COLGALT2: variants seen among roughly 807,000 people sequenced by gnomAD.
The protein encoded by COLGALT2 is collagen beta(1-O)galactosyltransferase 2, also known as procollagen galactosyltransferase 2.
In COLGALT2, 49 loss-of-function variants were observed where a neutral mutation model predicts 73.4. The ratio of observed to expected loss-of-function variants is 0.67; its 90% CI spans 0.53 to 0.85. The LOEUF is 0.85. Among genes scored for constraint, COLGALT2 ranks in the 40% least tolerant of loss-of-function variants. The pLI is 0.00. For synonymous variants in COLGALT2, 295 were observed against 307.6 expected, an observed-to-expected ratio of 0.96 and a Z score of 0.43; for missense variants, 722 against 790.2, an observed-to-expected ratio of 0.91 and a Z score of 1.03.
chr1:183,969,149 T>C lies in COLGALT2; in HGVS notation c.832+120A>G, dbSNP rs543409032. 4 of 799,192 alleles carry C rather than the reference T, an allele frequency of 5.0e-6. No homozygotes were observed. In the East Asian group the frequency reaches 8.8e-5, roughly 18 times the overall value. 49.5% of individuals were successfully genotyped at this position (799,192 alleles called of 1,614,324 possible). ...TGCTGGTATGGTTATTGCAGACAAT[T>C]TACTGCCTCTCACTACCAGACATAT... On this transcript the variant is annotated intron_variant, in intron 5 of 11. Coordinates refer to ENST00000361927, the MANE Select transcript of COLGALT2 (RefSeq NM_015101.4).
chr1:183,948,995 A>G (rs1670321583), intron 8 of COLGALT2, among the ~76,000 whole-genome samples: 1 of 152,236 alleles, frequency 6.6e-6, no homozygotes, highest in East Asian at 1.9e-4. Context: ...TAGCATCAAA[A>G]GAGTAAAATA....
chr1:184,027,676 G>A (rs1215344382), intron 1 of COLGALT2, among the ~76,000 whole-genome samples: 1 of 152,208 alleles, frequency 6.6e-6, no homozygotes, highest in Non-Finnish European at 1.5e-5. Flanking sequence ...TAGACAATCA[G>A]TGATGGTGGA....
At chr1:183,952,852 TA>T (rs1347242180) in intron 7 of COLGALT2, among the ~76,000 whole-genome samples, 8 of 152,250 alleles carry the variant, frequency 5.3e-5, no homozygotes, top group African/African-American at 1.9e-4. Flanking sequence ...TGGGACTTTA[TA>T]ACTTAATGGG....
Position 183,940,625 on chromosome 1 carries a change from C to T in COLGALT2, c.1560G>A (p.Leu520=). The T allele has an allele frequency of 6.2e-7, 1 of 1,614,240 alleles. No individual in the cohort carries two copies. ...TGACTGGCAGAAACTCATCCACTGG[C>T]AGCATCTTCCCAAAAGGATTGGCTC... ...LVGANPFGKM[L]PVDEFLPVMY... is the part of the protein sequence containing the mutation. The change falls in exon 11 of 12, where the codon CTG becomes CTA. Residue 520 remains leucine, a synonymous_variant. Coordinates refer to ENST00000361927, the MANE Select transcript of COLGALT2 (RefSeq NM_015101.4).
chr1:184,018,962 T>C (rs1368958007), intron 1 of COLGALT2, among the ~76,000 whole-genome samples: 1 of 152,234 alleles, frequency 6.6e-6, no homozygotes, highest in Non-Finnish European at 1.5e-5. Flanking sequence ...AGATTATAAT[T>C]CGTGTTTTAT....
Position 183,944,196 on chromosome 1 carries a change from A to G in COLGALT2, c.1397T>C (p.Ile466Thr), listed in dbSNP as rs1468098348. ...CTCGTAAGATCATCTTGTCACTCAC[A>G]TCAGTTCCCAGTCCAGCTGAGCCTG... ...IDQAQLDWEL[I>T]YIGRKRMQVK... Residue 466 changes from isoleucine to threonine, a missense_variant and splice_region_variant, in exon 10 of 12, where the codon ATT becomes ACT. Physicochemically the swap from Ile to Thr is moderately conservative, Grantham distance 89 (BLOSUM62 -1). Transcript: ENST00000361927. The G allele has an allele frequency of 6.2e-7, 1 of 1,610,846 alleles. No individual in the cohort carries two copies. The highest frequency in any genetic ancestry group is 1.3e-5 in the African/African-American group (1 of 74,842).
At chr1:184,024,091 G>C (rs1217594828) in intron 1 of COLGALT2, among the ~76,000 whole-genome samples, 1 of 152,160 alleles carries the variant, frequency 6.6e-6, no homozygotes, top group East Asian at 1.9e-4. Flanking sequence ...GCAATAGCGT[G>C]AGTTGTTTCA....
In COLGALT2 at chr1:183,945,535, A is replaced by T. The variant is rs1325380301; in HGVS notation, c.1166T>A (p.Leu389Gln). 1.2e-6 allele frequency: 2 copies of T among 1,614,172 alleles called. No individual in the cohort carries two copies. Among genetic ancestry groups the T allele is most frequent in the Admixed American group, 3.3e-5 (2 of 60,020 alleles). ...ATAGCCAGGCAGCATTTCAATATTCAGTGCCTTCAGCTGGCTTGTGTTGAG... is the reference window on the plus strand; with the variant it reads ...ATAGCCAGGCAGCATTTCAATATTCTGTGCCTTCAGCTGGCTTGTGTTGAG... ...KALNTSQLKA[L>Q]NIEMLPGYRD... is the part of the protein sequence containing the mutation. Residue 389 changes from leucine (L) to glutamine (Q), a missense_variant, in exon 9 of 12, where the codon CTG becomes CAG. Leu to Gln is a moderately radical substitution (Grantham distance 113, BLOSUM62 -2). Transcript: ENST00000361927.
chr1:183,975,229 A>ATAC lies in COLGALT2; in HGVS notation c.375-16_375-15insGTA, dbSNP rs772198341. 1.3e-6 allele frequency: 2 copies of ATAC among 1,529,634 alleles called. No individual in the cohort carries two copies. Among genetic ancestry groups the ATAC allele is most frequent in the Admixed American group, 3.4e-5 (2 of 59,666 alleles). 94.8% of individuals were successfully genotyped at this position (1,529,634 alleles called of 1,614,324 possible). A position where few individuals can be genotyped will look rare whatever the true frequency, so the allele number is the denominator to read the frequency against. On this transcript the variant is annotated splice_polypyrimidine_tract_variant and intron_variant, in intron 2 of 11. Coordinates refer to ENST00000361927, the MANE Select transcript of COLGALT2 (RefSeq NM_015101.4). Reference sequence around the variant, plus strand: ...CAGGGTAAGACCTAAAATAATAATAATAGCTCATCATTATTGAGTGCCTAC... The same window carrying ATAC: ...CAGGGTAAGACCTAAAATAATAATAATACTAGCTCATCATTATTGAGTGCCTAC...
Position 183,950,994 on chromosome 1 carries a change from A to G in COLGALT2, c.1136+13T>C. On this transcript the variant is annotated intron_variant, in intron 8 of 11. Coordinates refer to ENST00000361927, the MANE Select transcript of COLGALT2 (RefSeq NM_015101.4). Reference sequence around the variant, plus strand: ...CCAATCACATCTGCAATGGGAGAAGAAACCCAACTCACTTTCCATCCACAG... The same window carrying G: ...CCAATCACATCTGCAATGGGAGAAGGAACCCAACTCACTTTCCATCCACAG... 1.9e-6 allele frequency: 3 copies of G among 1,596,392 alleles called. No homozygotes were observed. Among genetic ancestry groups the G allele is most frequent in the Non-Finnish European group, 2.6e-6 (3 of 1,164,008 alleles).
intron 11 of COLGALT2, 103 bp downstream of exon 11, chr1:183,940,478 A>G (rs1282381771): frequency 9.8e-7 from 1 of 1,021,870 alleles, no homozygotes; most frequent in Non-Finnish European, 1.5e-6. Context: ...TCATTTAGGA[A>G]AGCAGTACAA....
At chr1:183,993,871 C>T (rs1357350830) in intron 1 of COLGALT2, among the ~76,000 whole-genome samples, 2 of 152,124 alleles carry the variant, frequency 1.3e-5, no homozygotes, top group Non-Finnish European at 2.9e-5. Context: ...TTTGAACTCA[C>T]TGACCCAAGT....
At chr1:183,978,554 T>A (rs752528977) in intron 1 of COLGALT2, 34 bp from the exon 2 acceptor site, 6 of 1,295,902 alleles carry the variant, frequency 4.6e-6, no homozygotes, top group Non-Finnish European at 6.7e-6. Flanking sequence ...AGTTTAACTA[T>A]GTCATCCAAT....
chr1:184,037,216 A>C lies in COLGALT2; in HGVS notation c.142T>G (p.Ser48Ala). The C allele has an allele frequency of 6.2e-7, 1 of 1,601,714 alleles. No homozygotes were observed. Among genetic ancestry groups the C allele is most frequent in the Non-Finnish European group, 8.5e-7 (1 of 1,175,936 alleles). The change falls in exon 1 of 12, where the codon TCG becomes GCG. Residue 48 changes from serine (S) to alanine (A), a missense_variant. By Grantham distance (99) the Ser-to-Ala change is moderately conservative. Coordinates refer to ENST00000361927, the MANE Select transcript of COLGALT2 (RefSeq NM_015101.4). ...AGCACCGTGGGGCTCTGCAGGGGCGACTCCGGGAAAACCACCGGCTCCTCT... is the reference window on the plus strand; with the variant it reads ...AGCACCGTGGGGCTCTGCAGGGGCGCCTCCGGGAAAACCACCGGCTCCTCT... ...DGEEPVVFPE[S>A]PLQSPTVLVA...
At chr1:184,027,160 G>A (rs1264610609) in intron 1 of COLGALT2, among the ~76,000 whole-genome samples, 1 of 152,126 alleles carries the variant, frequency 6.6e-6, no homozygotes, top group African/African-American at 2.4e-5. Flanking sequence ...ATGTAATCCT[G>A]TACATTACTA....
At chr1:183,964,046 C>A in intron 5 of COLGALT2, 26 bp from the exon 6 acceptor site, 1 of 1,610,240 alleles carries the variant, frequency 6.2e-7, no homozygotes. Context: ...AGGGACAAAG[C>A]CAACAATCAG....
At chr1:183,993,956 C>CT (rs1475643702) in intron 1 of COLGALT2, among the ~76,000 whole-genome samples, 1 of 149,554 alleles carries the variant, frequency 6.7e-6, no homozygotes, top group Non-Finnish European at 1.5e-5. Context: ...GAAGAGAAGC[C>CT]TTTTGGTACA....
At chr1:183,970,672 C>T (rs1489091313) in intron 4 of COLGALT2, among the ~76,000 whole-genome samples, 1 of 152,184 alleles carries the variant, frequency 6.6e-6, no homozygotes, top group African/African-American at 2.4e-5. Context: ...CATGCCTACC[C>T]TCTTTGAGCC....
At position 184,024,916 on chromosome 1, in the gene COLGALT2, A is replaced by C. The variant is rs74132767; in HGVS notation, c.263+12179T>G. Reference sequence around the variant, plus strand: ...TCTTGGGCCTCACAAGAAGATTATCAGTAGCAAAGTCTGGCCAATGGGCTT... The same window carrying C: ...TCTTGGGCCTCACAAGAAGATTATCCGTAGCAAAGTCTGGCCAATGGGCTT... On this transcript the variant is annotated intron_variant, in intron 1 of 11. Coordinates refer to ENST00000361927, the MANE Select transcript of COLGALT2 (RefSeq NM_015101.4). Among the ~76,000 whole-genome samples the C allele has an allele frequency of 6.0e-3, 916 of 152,324 alleles. 11 individuals carry two copies. Among genetic ancestry groups the C allele is most frequent in the African/African-American group, 0.02 (831 of 41,578 alleles).
Sources: gnomAD v4.1 joint callset for allele counts (sites outside exome capture counted in the v4.1 genomes callset) on GRCh38, gnomAD v4.1.1 for gene constraint, MANE v1.5 for transcripts, NCBI Gene and HGNC (gene_info 2026-07-23, HGNC 2026-07-21) for gene names.